TRPC4AP: variants seen among roughly 807,000 people sequenced by gnomAD.
The protein encoded by TRPC4AP is transient receptor potential cation channel subfamily C member 4 associated protein, also known as short transient receptor potential channel 4-associated protein.
TRPC4AP carries 45 observed loss-of-function variants against 99.0 expected under a neutral mutation model. That is an observed-to-expected ratio of 0.45 (90% confidence interval 0.36 to 0.58). The LOEUF (loss-of-function observed/expected upper bound fraction) is 0.58, where lower values mean the gene tolerates loss of function less well. Among genes scored for constraint, TRPC4AP ranks in the 20% least tolerant of loss-of-function variants. The probability of loss-of-function intolerance (pLI) is 0.00; values close to 1 mark genes in which losing one functional copy is unlikely to be tolerated. For missense variants in TRPC4AP, 879 were observed against 985.3 expected, an observed-to-expected ratio of 0.89 and a Z score of 1.44; for synonymous variants, 408 against 385.8, an observed-to-expected ratio of 1.06 and a Z score of -0.67.
At chr20:35,014,869 CAG>C (rs1301084757) in intron 10 of TRPC4AP, among the ~76,000 whole-genome samples, 1 of 152,144 alleles carries the variant, frequency 6.6e-6, no homozygotes. Flanking sequence ...TGCAAGAAAA[CAG>C]AGGCTCAGAG....
At chr20:35,084,031 G>A (rs908198663) in intron 1 of TRPC4AP, among the ~76,000 whole-genome samples, 1 of 151,942 alleles carries the variant, frequency 6.6e-6, no homozygotes, top group Non-Finnish European at 1.5e-5. Context: ...CGGGCGCGGT[G>A]GCTCACACCT....
At chr20:35,056,565 A>G (rs550993852) in intron 4 of TRPC4AP, among the ~76,000 whole-genome samples, 1 of 150,508 alleles carries the variant, frequency 6.6e-6, no homozygotes, top group African/African-American at 2.4e-5. Context: ...GTATTGGGGT[A>G]AAAAAAAAAT....
rs778161091 is a variant in TRPC4AP, at chr20:35,024,825, CAAAAAAA to C, written c.1052-3476_1052-3470del. ...CCTAGGTGACAGAGAGAGACCGTCT[CAAAAAAA>C]AAAAAAAAAAAAAAAAAAAAAAATT... On this transcript the variant is annotated intron_variant, in intron 8 of 18. Transcript: ENST00000252015. 1.4e-3 allele frequency among the ~76,000 whole-genome samples: 52 copies of C among 35,872 alleles called. 5 individuals carry two copies. Among genetic ancestry groups the C allele is most frequent in the African/African-American group, 4.9e-3 (43 of 8,752 alleles). The allele number at this position is 35,872 out of a possible 152,430, so 23.5% of individuals were successfully genotyped here.
intron 1 of TRPC4AP, among the ~76,000 whole-genome samples, chr20:35,083,749 T>C (rs1473279212): frequency 2.0e-5 from 3 of 151,730 alleles, no homozygotes; most frequent in African/African-American, 7.3e-5. Context: ...CATGTACTCT[T>C]TCTTGGGAGG....
intron 3 of TRPC4AP, among the ~76,000 whole-genome samples, chr20:35,062,950 T>G (rs1600624905): frequency 6.6e-6 from 1 of 152,366 alleles, no homozygotes; most frequent in East Asian, 1.9e-4. Flanking sequence ...TGGACGATTC[T>G]GTTGATATGA....
chr20:35,008,724 C>G lies in TRPC4AP; in HGVS notation c.1535G>C (p.Arg512Thr), dbSNP rs1482423053. 6.2e-6 allele frequency: 10 copies of G among 1,613,924 alleles called. No homozygotes were observed. The highest frequency in any genetic ancestry group is 8.5e-6 in the Non-Finnish European group (10 of 1,179,958). ...CTGCAGCAGACGAGTTAATAAGCCC[C>G]TCTTCCCATCACACACCAAACTCCT... is the stretch of plus-strand genomic sequence containing the variant. The part of the protein sequence containing the change: ...TDRSLVCDGK[R>T]GLLTRLLQVM... Residue 512 changes from arginine to threonine, a missense_variant, in exon 13 of 19, where the codon AGG becomes ACG. This residue lies in a region of TRPC4AP where 603 missense variants were observed against 631.8 expected (regional missense o/e 0.95). Transcript: ENST00000252015.
rs1464463595 is a variant in TRPC4AP at position 35,016,146 on chromosome 20, G to A, written c.1219-7C>T. 1.9e-6 allele frequency: 3 copies of A among 1,614,162 alleles called. No individual in the cohort carries two copies. The highest frequency in any genetic ancestry group is 2.2e-5 in the East Asian group (1 of 44,880). On this transcript the variant is annotated splice_polypyrimidine_tract_variant and splice_region_variant and intron_variant, in intron 9 of 18. Transcript: ENST00000252015. ...CTGCAATCATTCTGTGAACCTGAAT[G>A]GGATAGGAAGGAAAAAGTATTAAGA...
chr20:35,004,683 T>A lies in TRPC4AP; in HGVS notation c.1937-113A>T, dbSNP rs1051162966. The A allele has an allele frequency of 3.7e-6, 3 of 807,602 alleles. No homozygotes were observed. The African/African-American group carries it at 5.1e-5, about 14-fold the overall frequency. The allele number at this position is 807,602 out of a possible 1,614,324, so 50.0% of individuals were successfully genotyped here. On this transcript the variant is annotated intron_variant, in intron 16 of 18. Coordinates refer to ENST00000252015, the MANE Select transcript of TRPC4AP (RefSeq NM_015638.3). ...TGACTCTGAAGCTAGGAGCTCATCA[T>A]CAAAACAGCTTCAACGAAAGCTGAC... is the stretch of plus-strand genomic sequence containing the variant.
At chr20:35,013,182 A>G (rs2082676943) in intron 10 of TRPC4AP, 116 bp from the exon 11 acceptor site, 2 of 914,282 alleles carry the variant, frequency 2.2e-6, no homozygotes, top group Non-Finnish European at 3.5e-6. Context: ...ATGTACCATG[A>G]GGACTTTTCT....
intron 1 of TRPC4AP, among the ~76,000 whole-genome samples, chr20:35,084,530 G>GTTTATATGCA (rs2084754269): frequency 2.1e-5 from 3 of 145,204 alleles, no homozygotes; most frequent in African/African-American, 5.1e-5. Context: ...GTGTATATAT[G>GTTTATATGCA]TATATATGTA....
intron 1 of TRPC4AP, among the ~76,000 whole-genome samples, chr20:35,084,634 GTATATGTATGTATGTT>G (rs1272927661): frequency 1.8e-5 from 2 of 110,754 alleles, no homozygotes; most frequent in African/African-American, 7.0e-5. Flanking sequence ...GCATATATGT[GTATATGTATGTATGTT>G]TATATGCATA....
chr20:35,071,149 A>G (rs1008902038), intron 2 of TRPC4AP, among the ~76,000 whole-genome samples: 1 of 152,232 alleles, frequency 6.6e-6, no homozygotes, highest in Non-Finnish European at 1.5e-5. Flanking sequence ...GACTAAGTTT[A>G]ATTAGTTTCT....
At chr20:35,020,620 G>T (rs1267339334) in intron 9 of TRPC4AP, among the ~76,000 whole-genome samples, 1 of 152,116 alleles carries the variant, frequency 6.6e-6, no homozygotes, top group Non-Finnish European at 1.5e-5. Context: ...CCCATGCTTG[G>T]TTTCCTCCCT....
At chr20:35,051,033 TACAC>T (rs34091819) in intron 5 of TRPC4AP, among the ~76,000 whole-genome samples, 3,907 of 144,590 alleles carry the variant, frequency 0.027, 80 homozygotes, top group African/African-American at 0.066. Context: ...TGCTATAGCT[TACAC>T]ACACACACAC....
intron 3 of TRPC4AP, among the ~76,000 whole-genome samples, chr20:35,058,978 C>T (rs944704515): frequency 1.3e-5 from 2 of 151,936 alleles, no homozygotes; most frequent in Non-Finnish European, 2.9e-5. Context: ...CATGAGCCAC[C>T]GCACCCGGCC....
chr20:35,067,847 G>A (rs1468668623), intron 3 of TRPC4AP, among the ~76,000 whole-genome samples: 1 of 152,162 alleles, frequency 6.6e-6, no homozygotes, highest in Non-Finnish European at 1.5e-5. Context: ...GGGAGAGGGG[G>A]AGGAGGTGGT....
In TRPC4AP at chr20:35,092,790, G is replaced by C. The variant is rs766286075; in HGVS notation, c.-9C>G. ...ACCGGCGCCGCCGCCATGTCTCCTC[G>C]TCGGACAAACAGGAAGCAAGCGGCC... On this transcript the variant is annotated 5_prime_UTR_variant, in exon 1 of 19. Coordinates refer to ENST00000252015, the MANE Select transcript of TRPC4AP (RefSeq NM_015638.3). The C allele has an allele frequency of 5.9e-6, 9 of 1,526,254 alleles. No individual in the cohort carries two copies. Among genetic ancestry groups the C allele is most frequent in the Non-Finnish European group, 7.0e-6 (8 of 1,149,288 alleles). The allele number at this position is 1,526,254 out of a possible 1,614,324, so 94.5% of individuals were successfully genotyped here.
chr20:35,012,823 C>T (rs1172713635), intron 11 of TRPC4AP, among the ~76,000 whole-genome samples, 185 bp downstream of exon 11: 2 of 152,162 alleles, frequency 1.3e-5, no homozygotes, highest in Non-Finnish European at 2.9e-5. Flanking sequence ...CAGTGCCTGC[C>T]ATAAGGAAGT....
chr20:35,068,030 G>C (rs892452602), intron 3 of TRPC4AP, among the ~76,000 whole-genome samples: 1 of 151,988 alleles, frequency 6.6e-6, no homozygotes, highest in South Asian at 2.1e-4. Context: ...TCTTAATAAA[G>C]CTGATTAAAA....
Sources: allele counts gnomAD v4.1 joint callset (sites outside exome capture counted in the v4.1 genomes callset), GRCh38; gene constraint gnomAD v4.1.1; regional missense constraint gnomAD v4.1.1; transcripts MANE v1.5; gene names NCBI Gene and HGNC (gene_info 2026-07-23, HGNC 2026-07-21).